POLN: variants seen among roughly 807,000 people sequenced by gnomAD.
POLN encodes the protein DNA polymerase nu.
A neutral mutation model predicts 113.5 loss-of-function variants in POLN; 108 were observed. The ratio of observed to expected loss-of-function variants is 0.95; its 90% CI spans 0.81 to 1.12. The LOEUF (loss-of-function observed/expected upper bound fraction) is 1.12. Ranked by LOEUF, POLN falls within the 50% of genes most tolerant of loss-of-function variation. The pLI is 0.00. For missense variants in POLN, 1,097 were observed against 1,077.1 expected (o/e 1.02, Z -0.26); for synonymous variants, 386 against 391.5 (o/e 0.99, Z 0.17).
chr4:2,174,238 G>A (rs572566488), intron 10 of POLN, among the ~76,000 whole-genome samples: 10 of 152,238 alleles, frequency 6.6e-5, no homozygotes, highest in African/African-American at 9.6e-5. Context: ...GGGAGTGGGC[G>A]AGGGGACCGC....
intron 19 of POLN, among the ~76,000 whole-genome samples, chr4:2,104,850 G>A (rs1731013721): frequency 6.6e-6 from 1 of 152,216 alleles, no homozygotes; most frequent in Admixed American, 6.5e-5. Context: ...GTGAGTTTCT[G>A]CAAAGGTGTG....
intron 20 of POLN, among the ~76,000 whole-genome samples, chr4:2,086,092 T>G (rs1157708194): frequency 6.6e-6 from 1 of 152,088 alleles, no homozygotes; most frequent in Non-Finnish European, 1.5e-5. Context: ...GGAAGTTCCA[T>G]GGTCAAAGTA....
At chr4:2,125,333 A>G (rs532180501) in intron 19 of POLN, among the ~76,000 whole-genome samples, 1 of 152,280 alleles carries the variant, frequency 6.6e-6, no homozygotes, top group Non-Finnish European at 1.5e-5. Context: ...ATACGGAGAC[A>G]GTGAGGTGGG....
At position 2,240,077 on chromosome 4, in the gene POLN, T is replaced by A. The variant is rs973820661; in HGVS notation, c.-13+1443A>T. On this transcript the variant is annotated intron_variant, in intron 2 of 25. Coordinates refer to ENST00000511885, the MANE Select transcript of POLN (RefSeq NM_181808.4). ...TGTGAAGACTCTCCTCTGCCCATTTTATACTTGACTTCATGCTCGAATTAC... is the reference window on the plus strand; with the variant it reads ...TGTGAAGACTCTCCTCTGCCCATTTAATACTTGACTTCATGCTCGAATTAC... 4.3e-6 allele frequency: 7 copies of A among 1,613,920 alleles called. No homozygotes were observed. The African/African-American group carries it at 6.7e-5, about 15-fold the overall frequency.
intron 5 of POLN, among the ~76,000 whole-genome samples, 171 bp from the exon 6 acceptor site, chr4:2,198,888 C>T (rs1733645603): frequency 1.3e-5 from 2 of 152,006 alleles, no homozygotes; most frequent in Admixed American, 1.3e-4. Flanking sequence ...ACCTTATGCT[C>T]GAAATCTGGT....
At chr4:2,096,058 G>A (rs1254872397) in intron 19 of POLN, 125 bp from the exon 20 acceptor site, 19 of 802,294 alleles carry the variant, frequency 2.4e-5, no homozygotes, top group Middle Eastern at 2.2e-4. Context: ...CATGGTGGCC[G>A]GCACACTGGC....
intron 17 of POLN, 137 bp from the exon 18 acceptor site, chr4:2,129,393 T>C: frequency 1.7e-6 from 1 of 579,432 alleles, no homozygotes; most frequent in Middle Eastern, 5.2e-4. Context: ...TTTTTATTAA[T>C]TTAATTATTT....
chr4:2,198,059 G>A (rs896802918), intron 6 of POLN, among the ~76,000 whole-genome samples: 1 of 152,214 alleles, frequency 6.6e-6, no homozygotes, highest in Non-Finnish European at 1.5e-5. Context: ...CCAAAGAGGT[G>A]AGACAGGTCT....
At chr4:2,111,551 A>G (rs1185944083) in intron 19 of POLN, among the ~76,000 whole-genome samples, 4 of 152,248 alleles carry the variant, frequency 2.6e-5, no homozygotes, top group Non-Finnish European at 4.4e-5. Flanking sequence ...GTCTCAGGAT[A>G]CAAAATCAAT....
chr4:2,110,911 A>G (rs1731177057), intron 19 of POLN, among the ~76,000 whole-genome samples: 1 of 152,246 alleles, frequency 6.6e-6, no homozygotes, highest in Non-Finnish European at 1.5e-5. Flanking sequence ...TCATCTTGAT[A>G]CCAAAGCCTG....
intron 16 of POLN, among the ~76,000 whole-genome samples, chr4:2,138,931 T>C (rs1167954150): frequency 2.0e-5 from 3 of 148,266 alleles, no homozygotes; most frequent in African/African-American, 7.4e-5. Flanking sequence ...AAAGGTGAAA[T>C]CACTGTGCCT....
intron 8 of POLN, chr4:2,177,383 A>C: frequency 2.5e-6 from 1 of 397,976 alleles, no homozygotes; most frequent in Non-Finnish European, 5.0e-6. Context: ...TCTACCTGGA[A>C]CTCTCTTCCA....
Position 2,198,715 on chromosome 4 carries a change from G to C in POLN, c.717C>G (p.Thr239=), listed in dbSNP as rs374131352. 40 of 1,599,096 alleles carry C rather than the reference G, an allele frequency of 2.5e-5. No homozygotes were observed. The highest frequency in any genetic ancestry group is 3.2e-5 in the Non-Finnish European group (37 of 1,172,788). ...DGSTQLGADQ[T]PVSSVRGIVV... ...CAATTCCTCTAACAGAAGAAACGGG[G>C]GTCTGTGGAAACACAACAAAATAAA... The change falls in exon 6 of 26, where the codon ACC becomes ACG. Residue 239 remains threonine (T), a splice_region_variant and synonymous_variant. Coordinates refer to ENST00000511885, the MANE Select transcript of POLN (RefSeq NM_181808.4).
At chr4:2,101,126 G>C (rs1053110924) in intron 19 of POLN, among the ~76,000 whole-genome samples, 1 of 151,524 alleles carries the variant, frequency 6.6e-6, no homozygotes, top group Non-Finnish European at 1.5e-5. Flanking sequence ...ATGGGGTCCA[G>C]ATTGAGTACA....
chr4:2,089,314 C>A, intron 20 of POLN: 1 of 1,388,914 alleles, frequency 7.2e-7, no homozygotes, highest in Non-Finnish European at 1.0e-6. Flanking sequence ...CAACATAGAT[C>A]CTGTTAATTC....
intron 3 of POLN, among the ~76,000 whole-genome samples, chr4:2,225,755 C>T (rs1734369682): frequency 6.6e-6 from 1 of 151,892 alleles, no homozygotes; most frequent in African/African-American, 2.4e-5. Context: ...AATCCCAGCA[C>T]TTTCAGAGGC....
At position 2,127,998 on chromosome 4, in the gene POLN, G is replaced by GC; in HGVS notation, c.1982+114dup. ...TTCTTTTCAAAATGATTAGCTATTA[G>GC]CCACAAAAAATATAATTTCTGCCTT... On this transcript the variant is annotated intron_variant, in intron 19 of 25. Transcript: ENST00000511885. This position sits in a 1 kb window ranked among gnomAD's most constrained non-coding sequence, Gnocchi z 4.7. 1 of 682,682 alleles carries GC rather than the reference G, an allele frequency of 1.5e-6. No homozygotes were observed. The highest frequency in any genetic ancestry group is 2.5e-6 in the Non-Finnish European group (1 of 400,440). 42.3% of individuals were successfully genotyped at this position (682,682 alleles called of 1,614,324 possible).
intron 16 of POLN, among the ~76,000 whole-genome samples, chr4:2,131,568 C>T (rs1459558217): frequency 6.6e-6 from 1 of 152,142 alleles, no homozygotes; most frequent in Non-Finnish European, 1.5e-5. Context: ...TTTACAGCAG[C>T]CCAAATTATG....
chr4:2,159,897 A>G (rs1383174881), intron 13 of POLN, among the ~76,000 whole-genome samples: 4 of 140,862 alleles, frequency 2.8e-5, no homozygotes, highest in Admixed American at 6.8e-5. Context: ...CCTTTGATGG[A>G]TATGTGTTTT....
Sources: gnomAD v4.1 joint callset for allele counts (sites outside exome capture counted in the v4.1 genomes callset) on GRCh38, gnomAD v4.1.1 for gene constraint, Gnocchi (gnomAD v3.1) non-coding constraint, MANE v1.5 for transcripts, NCBI Gene and HGNC (gene_info 2026-07-23, HGNC 2026-07-21) for gene names.